ZSWIM6: variants seen among roughly 807,000 people sequenced by gnomAD.
The protein encoded by ZSWIM6 is zinc finger SWIM-type containing 6.
ZSWIM6 carries 9 observed loss-of-function variants against 113.2 expected under a neutral mutation model. The ratio of observed to expected loss-of-function variants is 0.08; its 90% CI spans 0.05 to 0.14. The LOEUF (loss-of-function observed/expected upper bound fraction) is 0.14. Among genes scored for constraint, ZSWIM6 ranks in the 10% least tolerant of loss-of-function variants. The pLI, the probability that ZSWIM6 is intolerant of heterozygous loss-of-function variation, is 1.00. For missense variants in ZSWIM6, 1,162 were observed against 1,552.2 expected (o/e 0.75, Z 4.22); for synonymous variants, 611 against 606.5 (o/e 1.01, Z -0.11).
At chr5:61,363,744 C>T (rs1293153271) in intron 1 of ZSWIM6, among the ~76,000 whole-genome samples, 2 of 152,144 alleles carry the variant, frequency 1.3e-5, no homozygotes, top group Non-Finnish European at 2.9e-5. Flanking sequence ...ATTAAAAAGG[C>T]ACACAGTTTC....
intron 1 of ZSWIM6, among the ~76,000 whole-genome samples, chr5:61,452,620 G>C (rs947823921): frequency 1.3e-5 from 2 of 152,080 alleles, no homozygotes; most frequent in African/African-American, 2.4e-5. Context: ...TTATAGAAAA[G>C]TTGCAAAATA....
At chr5:61,498,325 G>T (rs1031297971) in intron 4 of ZSWIM6, among the ~76,000 whole-genome samples, 4 of 152,126 alleles carry the variant, frequency 2.6e-5, no homozygotes, top group Non-Finnish European at 4.4e-5. Flanking sequence ...GTTTCTTAGG[G>T]AGCGGGTGGG....
intron 4 of ZSWIM6, among the ~76,000 whole-genome samples, chr5:61,503,981 T>G (rs932065010): frequency 6.6e-6 from 1 of 152,212 alleles, no homozygotes; most frequent in African/African-American, 2.4e-5. Context: ...GTGAAAGTAA[T>G]TTTTATTTTT....
At chr5:61,406,150 A>G (rs1285362259) in intron 1 of ZSWIM6, among the ~76,000 whole-genome samples, 3 of 152,150 alleles carry the variant, frequency 2.0e-5, no homozygotes, top group African/African-American at 7.2e-5. Context: ...TTATGTCTGC[A>G]GGTCTGTGTC....
At chr5:61,427,913 T>C (rs1336978438) in intron 1 of ZSWIM6, among the ~76,000 whole-genome samples, 1 of 152,184 alleles carries the variant, frequency 6.6e-6, no homozygotes, top group Admixed American at 6.5e-5. Flanking sequence ...TTCTTATATT[T>C]AACATGATTT....
chr5:61,388,577 A>G lies in ZSWIM6; in HGVS notation c.676+55629A>G, dbSNP rs553529363. Among the ~76,000 whole-genome samples the G allele has an allele frequency of 7.2e-5, 11 of 152,370 alleles. No individual in the cohort carries two copies. The East Asian group carries it at 1.5e-3, about 21-fold the overall frequency. ...CTGCATACTGTTATAAAGGCTTTACATGTATTAATTTATTTAAAACTTCCA... is the reference window on the plus strand; with the variant it reads ...CTGCATACTGTTATAAAGGCTTTACGTGTATTAATTTATTTAAAACTTCCA... On this transcript the variant is annotated intron_variant, in intron 1 of 13. Coordinates refer to ENST00000252744, the MANE Select transcript of ZSWIM6 (RefSeq NM_020928.2).
intron 4 of ZSWIM6, among the ~76,000 whole-genome samples, chr5:61,511,712 A>C (rs1748792681): frequency 6.6e-6 from 1 of 152,194 alleles, no homozygotes; most frequent in Non-Finnish European, 1.5e-5. Context: ...CCTACCCTCC[A>C]GAACTGTAAG....
intron 1 of ZSWIM6, among the ~76,000 whole-genome samples, chr5:61,356,229 G>A (rs1744904608): frequency 6.6e-6 from 1 of 152,140 alleles, no homozygotes; most frequent in Non-Finnish European, 1.5e-5. Flanking sequence ...CTCCCAAATA[G>A]CTGGGACTAC....
intron 2 of ZSWIM6, among the ~76,000 whole-genome samples, chr5:61,480,337 G>A (rs1747823531): frequency 2.0e-5 from 3 of 152,172 alleles, no homozygotes. Flanking sequence ...GTCTATTTGA[G>A]TTCCCTGAGA....
At chr5:61,457,790 T>C (rs1747235748) in intron 1 of ZSWIM6, among the ~76,000 whole-genome samples, 1 of 152,210 alleles carries the variant, frequency 6.6e-6, no homozygotes, top group South Asian at 2.1e-4. Flanking sequence ...CCTAAAGTGC[T>C]GGGATTACAG....
chr5:61,432,807 A>G lies in ZSWIM6; in HGVS notation c.677-39874A>G, dbSNP rs1561235258. On this transcript the variant is annotated intron_variant, in intron 1 of 13. Transcript: ENST00000252744. ...AGTTTGGGTTTTTCATTGGGTTCTCATGTTCTAAAATAAATGACCAGGAAT... is the reference window on the plus strand; with the variant it reads ...AGTTTGGGTTTTTCATTGGGTTCTCGTGTTCTAAAATAAATGACCAGGAAT... 2.6e-5 allele frequency among the ~76,000 whole-genome samples: 4 copies of G among 152,326 alleles called. No individual in the cohort carries two copies. In the South Asian group the frequency reaches 8.3e-4, roughly 32 times the overall value.
chr5:61,494,527 G>A lies in ZSWIM6; in HGVS notation c.1333+117G>A, dbSNP rs1281709167. 13 of 1,326,050 alleles carry A rather than the reference G, an allele frequency of 9.8e-6. No individual in the cohort carries two copies. In the East Asian group the frequency reaches 2.0e-4, roughly 21 times the overall value. The allele number at this position is 1,326,050 out of a possible 1,614,324, so 82.1% of individuals were successfully genotyped here. ...AGAGAGAGCTGCTCATGCATGGAAC[G>A]TGTTGCCAATATATAGGTTAGAAGC... On this transcript the variant is annotated intron_variant, in intron 4 of 13. Coordinates refer to ENST00000252744, the MANE Select transcript of ZSWIM6 (RefSeq NM_020928.2).
intron 1 of ZSWIM6, among the ~76,000 whole-genome samples, chr5:61,383,132 ATG>A (rs1745519507): frequency 6.6e-6 from 1 of 152,238 alleles, no homozygotes; most frequent in East Asian, 1.9e-4. Context: ...TTACTTGAAA[ATG>A]TAACTTACAT....
intron 4 of ZSWIM6, among the ~76,000 whole-genome samples, chr5:61,520,166 G>A (rs1313155694): frequency 5.3e-5 from 8 of 152,168 alleles, no homozygotes; most frequent in Non-Finnish European, 2.9e-5. Flanking sequence ...AAGAATGTAC[G>A]CCCTATCTTT....
chr5:61,380,725 T>A (rs1196145619), intron 1 of ZSWIM6, among the ~76,000 whole-genome samples: 1 of 152,176 alleles, frequency 6.6e-6, no homozygotes, highest in Non-Finnish European at 1.5e-5. Context: ...GGCCATTAAG[T>A]CTTCACTGTT....
chr5:61,471,812 TC>T (rs1048348282), intron 1 of ZSWIM6, among the ~76,000 whole-genome samples: 2 of 152,308 alleles, frequency 1.3e-5, no homozygotes, highest in African/African-American at 2.4e-5. Context: ...ACAAAACTGG[TC>T]CCTGGTGCGA....
Position 61,332,582 on chromosome 5 carries a change from C to G in ZSWIM6, c.310C>G (p.Pro104Ala). The G allele has an allele frequency of 7.4e-7, 1 of 1,358,972 alleles. No individual in the cohort carries two copies. The highest frequency in any genetic ancestry group is 1.3e-5 in the South Asian group (1 of 78,090). The allele number at this position is 1,358,972 out of a possible 1,614,324, so 84.2% of individuals were successfully genotyped here. The change falls in exon 1 of 14, where the codon CCG becomes GCG. Residue 104 changes from proline to alanine, a missense_variant. By Grantham distance (27) the Pro-to-Ala change is conservative (BLOSUM62 -1). Around this residue, in one of 4 missense-constraint regions of ZSWIM6, gnomAD observed 333 missense variants for 293.4 expected, o/e 1.13. Transcript: ENST00000252744. Reference protein sequence around the residue: ...VEERFERIPEPVQRRIVYWSF... With the variant: ...VEERFERIPEAVQRRIVYWSF... ...GGAGCGCTTTGAGCGCATCCCGGAG[C>G]CGGTGCAGCGCCGCATAGTCTATTG...
At chr5:61,356,086 C>CTG (rs996844591) in intron 1 of ZSWIM6, among the ~76,000 whole-genome samples, 7 of 151,910 alleles carry the variant, frequency 4.6e-5, no homozygotes, top group Non-Finnish European at 7.4e-5. Context: ...TTTCAAAACA[C>CTG]TGTGTGTGTG....
In ZSWIM6 at chr5:61,539,730, T is replaced by C. The variant is rs1023382798; in HGVS notation, c.2674T>C (p.Leu892=). The stretch of plus-strand genomic sequence containing the variant: ...GGACAGTTTGCCAGACATCACTCTT[T>C]TGAAAGTGTCTCTGGAGCTGGGCCT... ...LMDSLPDITL[L]KVSLELGLQV... is the part of the protein sequence containing the mutation. Residue 892 remains leucine, a synonymous_variant, in exon 12 of 14, where the codon TTG becomes CTG. Coordinates refer to ENST00000252744, the MANE Select transcript of ZSWIM6 (RefSeq NM_020928.2). The C allele has an allele frequency of 2.6e-6, 4 of 1,551,470 alleles. No homozygotes were observed. The highest frequency in any genetic ancestry group is 3.9e-5 in the Admixed American group (2 of 50,982).
Sources: allele counts gnomAD v4.1 joint callset (sites outside exome capture counted in the v4.1 genomes callset), GRCh38; gene constraint gnomAD v4.1.1; regional missense constraint gnomAD v4.1.1; transcripts MANE v1.5; gene names NCBI Gene and HGNC (gene_info 2026-07-23, HGNC 2026-07-21).